The following DHX9 variants were observed in gnomAD, a reference collection of about 807,000 sequenced individuals.
DHX9 encodes DExH-box helicase 9.
In DHX9, 27 loss-of-function variants were observed where a neutral mutation model predicts 148.7. The ratio of observed to expected loss-of-function variants is 0.18; its 90% confidence interval spans 0.13 to 0.25. The LOEUF (loss-of-function observed/expected upper bound fraction) is 0.25. DHX9 is among the 10% of genes least tolerant of loss of function. The pLI is 1.00. For missense variants in DHX9, 796 were observed against 1,559.6 expected (o/e 0.51, Z 8.25); for synonymous variants, 529 against 516.6 (o/e 1.02, Z -0.33).
At chr1:182,855,157 G>A (rs1668231264) in intron 6 of DHX9, among the ~76,000 whole-genome samples, 1 of 152,132 alleles carries the variant, frequency 6.6e-6, no homozygotes, top group Admixed American at 6.5e-5. Flanking sequence ...TATTTCTGGT[G>A]TCAGCCTTTT....
intron 1 of DHX9, among the ~76,000 whole-genome samples, chr1:182,840,732 AGAT>A (rs1160199953): frequency 6.6e-6 from 1 of 151,204 alleles, no homozygotes; most frequent in East Asian, 1.9e-4. Context: ...AGTTCCATTT[AGAT>A]GATCTATTAT....
intron 3 of DHX9, among the ~76,000 whole-genome samples, chr1:182,848,529 T>G (rs765663582): frequency 6.6e-6 from 1 of 152,234 alleles, no homozygotes; most frequent in Non-Finnish European, 1.5e-5. Flanking sequence ...TTGCTGTGTC[T>G]CCAACATTTA....
intron 12 of DHX9, among the ~76,000 whole-genome samples, chr1:182,862,231 G>A (rs533163238): frequency 1.3e-5 from 2 of 152,250 alleles, no homozygotes; most frequent in South Asian, 4.1e-4. Context: ...GATTTTAAGT[G>A]TATTATCTCA....
chr1:182,855,644 T>C, intron 6 of DHX9: 1 of 985,478 alleles, frequency 1.0e-6, no homozygotes, highest in Non-Finnish European at 1.2e-6. Context: ...TCGATGTCAT[T>C]AATGAAAGGG....
chr1:182,849,223 G>C (rs1309561397), intron 3 of DHX9, among the ~76,000 whole-genome samples: 1 of 152,010 alleles, frequency 6.6e-6, no homozygotes, highest in Non-Finnish European at 1.5e-5. Context: ...TTTTTTTGCT[G>C]TGGACAATTG....
chr1:182,863,062 A>C (rs1200723054), intron 12 of DHX9, among the ~76,000 whole-genome samples: 1 of 152,234 alleles, frequency 6.6e-6, no homozygotes, highest in African/African-American at 2.4e-5. Flanking sequence ...TTAAAAGCAC[A>C]TATCTGGAGG....
rs748793680 is a variant in DHX9 at position 182,853,257 on chromosome 1, A to T, written c.365-49A>T. The T allele has an allele frequency of 8.3e-6, 11 of 1,321,426 alleles. No homozygotes were observed. The South Asian group carries it at 1.2e-4, about 15-fold the overall frequency. The allele number at this position is 1,321,426 out of a possible 1,614,324, so 81.9% of individuals were successfully genotyped here. A position where few individuals can be genotyped will look rare whatever the true frequency, so the allele number is the denominator to read the frequency against. ...AGGATAATTCTTTAATGTATTTAGG[A>T]TTTTTCTACAGTTATGACTCATTAA... On this transcript the variant is annotated intron_variant, in intron 4 of 27. Transcript: ENST00000367549.
chr1:182,878,310 T>G (rs1648915579), intron 20 of DHX9, 137 bp downstream of exon 20: 1 of 942,986 alleles, frequency 1.1e-6, no homozygotes, highest in African/African-American at 1.7e-5. Context: ...TGTAAATGTT[T>G]CGTAAGAATC....
intron 1 of DHX9, among the ~76,000 whole-genome samples, chr1:182,840,963 A>T (rs1293003507): frequency 6.6e-6 from 1 of 152,150 alleles, no homozygotes; most frequent in Non-Finnish European, 1.5e-5. Context: ...TGGGTGAGTT[A>T]GTGCCACAGT....
chr1:182,862,142 A>T (rs1668373445), intron 12 of DHX9, among the ~76,000 whole-genome samples: 1 of 152,184 alleles, frequency 6.6e-6, no homozygotes. Flanking sequence ...TCATTTTTCC[A>T]TTATCTTGCA....
At chr1:182,857,743 C>T (rs80034914) in intron 7 of DHX9, among the ~76,000 whole-genome samples, 194 of 152,282 alleles carry the variant, frequency 1.3e-3, no homozygotes, top group Middle Eastern at 6.8e-3. Context: ...ACTCTGGACC[C>T]AATTACTTTT....
intron 12 of DHX9, among the ~76,000 whole-genome samples, chr1:182,865,659 G>A (rs889827998): frequency 6.6e-6 from 1 of 152,118 alleles, no homozygotes; most frequent in African/African-American, 2.4e-5. Context: ...CACAAGCAAG[G>A]AACTGAAATC....
chr1:182,867,443 C>T (rs1344010119), intron 14 of DHX9, among the ~76,000 whole-genome samples: 1 of 152,078 alleles, frequency 6.6e-6, no homozygotes, highest in African/African-American at 2.4e-5. Flanking sequence ...TGCTCTGTCA[C>T]CCAGGCTGGA....
At chr1:182,853,241 C>G in intron 4 of DHX9, 65 bp from the exon 5 acceptor site, 3 of 1,157,312 alleles carry the variant, frequency 2.6e-6, no homozygotes, top group Non-Finnish European at 3.8e-6. Flanking sequence ...TAGGATAATT[C>G]TTTAATGTAT....
intron 12 of DHX9, among the ~76,000 whole-genome samples, chr1:182,863,085 A>G (rs1648060283): frequency 6.6e-6 from 1 of 152,236 alleles, no homozygotes. Context: ...AGTTGGAACT[A>G]TTCTTCCAGC....
chr1:182,859,124 C>T lies in DHX9; in HGVS notation c.1140+7C>T. The T allele has an allele frequency of 6.2e-7, 1 of 1,612,382 alleles. No homozygotes were observed. ...GGATCATGATTTGCAAGCAGTAAGT[C>T]TGAATTATTTAGACAAGTAGTGCTC... is the stretch of plus-strand genomic sequence containing the variant. On this transcript the variant is annotated splice_region_variant and intron_variant, in intron 11 of 27. Coordinates refer to ENST00000367549, the MANE Select transcript of DHX9 (RefSeq NM_001357.5).
intron 7 of DHX9, 136 bp from the exon 8 acceptor site, chr1:182,857,968 A>G (rs1668286439): frequency 1.2e-6 from 1 of 802,172 alleles, no homozygotes; most frequent in Non-Finnish European, 1.9e-6. Flanking sequence ...TTAATAGAAT[A>G]AAAAGGAACT....
At chr1:182,852,386 T>G (rs566534188) in intron 4 of DHX9, 42 bp downstream of exon 4, 6 of 1,358,814 alleles carry the variant, frequency 4.4e-6, no homozygotes, top group South Asian at 2.6e-5. Context: ...GAATAAGATA[T>G]ACACAATCTT....
In DHX9 at chr1:182,860,058, C is replaced by T. The variant is rs1668332580; in HGVS notation, c.1206C>T (p.Ser402=). 2 of 1,613,694 alleles carry T rather than the reference C, an allele frequency of 1.2e-6. No individual in the cohort carries two copies. The highest frequency in any genetic ancestry group is 1.7e-6 in the Non-Finnish European group (2 of 1,179,918). The change falls in exon 12 of 28, where the codon AGC becomes AGT. Residue 402 remains serine (S), a synonymous_variant. Coordinates refer to ENST00000367549, the MANE Select transcript of DHX9 (RefSeq NM_001357.5). ...AAAGTGAGATTCTGGAAGCAATCAG[C>T]CAAAATTCAGTTGTCATTATTAGAG... is the stretch of plus-strand genomic sequence containing the variant. ...KFESEILEAI[S]QNSVVIIRGA... is the part of the protein sequence containing the mutation.
Sources: allele counts gnomAD v4.1 joint callset (sites outside exome capture counted in the v4.1 genomes callset), GRCh38; gene constraint gnomAD v4.1.1; transcripts MANE v1.5; gene names NCBI Gene and HGNC (gene_info 2026-07-23, HGNC 2026-07-21).